Variants in EIF3H observed in about 807,000 individuals in gnomAD.
The protein encoded by EIF3H is eukaryotic translation initiation factor 3 subunit H, also known as eIF-3-gamma.
A neutral mutation model predicts 44.2 loss-of-function variants in EIF3H; 26 were observed. The observed-to-expected ratio is 0.59, with a 90% CI of 0.43 to 0.82. The LOEUF (loss-of-function observed/expected upper bound fraction) is 0.82, where lower values mean the gene tolerates loss of function less well. Ranked by LOEUF, EIF3H falls within the 40% of genes least tolerant of loss-of-function variation. The probability of loss-of-function intolerance (pLI) is 0.00; values close to 1 mark genes in which losing one functional copy is unlikely to be tolerated. For synonymous variants in EIF3H, 166 were observed against 151.9 expected (o/e 1.09, Z -0.68); for missense variants, 359 against 432.8 (o/e 0.83, Z 1.51).
chr8:116,750,440 C>T (rs946099685), intron 1 of EIF3H, among the ~76,000 whole-genome samples: 4 of 144,718 alleles, frequency 2.8e-5, no homozygotes, highest in African/African-American at 5.1e-5. Context: ...GACGGAGTCT[C>T]GCTCTGTCGC....
chr8:116,746,316 C>T (rs1037211022), intron 1 of EIF3H, among the ~76,000 whole-genome samples: 1 of 152,190 alleles, frequency 6.6e-6, no homozygotes, highest in Non-Finnish European at 1.5e-5. Flanking sequence ...CTTCTATTTC[C>T]TCCATCTGTA....
chr8:116,705,536 C>T (rs1814455849), intron 2 of EIF3H, among the ~76,000 whole-genome samples: 1 of 144,558 alleles, frequency 6.9e-6, no homozygotes, highest in Non-Finnish European at 1.5e-5. Context: ...ATGACAGGGG[C>T]ACTTCAACAC....
chr8:116,749,401 G>C (rs186026140), intron 1 of EIF3H, among the ~76,000 whole-genome samples: 1 of 151,846 alleles, frequency 6.6e-6, no homozygotes, highest in Non-Finnish European at 1.5e-5. Flanking sequence ...CTGAGATTCT[G>C]TGATACGTAT....
intron 1 of EIF3H, among the ~76,000 whole-genome samples, chr8:116,761,810 T>C (rs1404690044): frequency 6.6e-6 from 1 of 152,240 alleles, no homozygotes; most frequent in Non-Finnish European, 1.5e-5. Flanking sequence ...AAGAGCTCAC[T>C]GATACTGGCA....
Position 116,752,074 on chromosome 8 carries a change from C to G in EIF3H, c.132+3592G>C, listed in dbSNP as rs567357913. Among the ~76,000 whole-genome samples, 3 of 152,208 alleles carry G rather than the reference C, an allele frequency of 2.0e-5. No homozygotes were observed. In the South Asian group the frequency reaches 6.2e-4, roughly 32 times the overall value. On this transcript the variant is annotated intron_variant, in intron 1 of 7. Transcript: ENST00000521861. ...AACATAAAAGGAAAGGAGTAAGTGG[C>G]CTAAAAGGAAGGATAGTGATTGACT...
At chr8:116,758,175 T>C (rs1174276909), upstream of EIF3H, among the ~76,000 whole-genome samples, 1 of 152,136 alleles carries the variant, frequency 6.6e-6, no homozygotes, top group Non-Finnish European at 1.5e-5. Context: ...GAAAAATATA[T>C]CATGTAACCA....
At chr8:116,720,701 T>C (rs1431339421) in intron 2 of EIF3H, among the ~76,000 whole-genome samples, 13 of 152,144 alleles carry the variant, frequency 8.5e-5, no homozygotes, top group East Asian at 1.9e-4. Flanking sequence ...TTGACCAAAA[T>C]GCATAACGAA....
At chr8:116,756,117 AT>A, upstream of EIF3H, 1 of 1,035,236 alleles carries the variant, frequency 9.7e-7, no homozygotes, top group Non-Finnish European at 1.4e-6. Flanking sequence ...AGTGTCTCTT[AT>A]GTAAAAATGC....
intron 1 of EIF3H, among the ~76,000 whole-genome samples, chr8:116,728,430 C>T (rs1245308191): frequency 1.3e-5 from 2 of 151,920 alleles, no homozygotes; most frequent in Non-Finnish European, 2.9e-5. Context: ...GTTTTTAAAC[C>T]TAGTTTTTAA....
At chr8:116,712,496 C>T (rs1436951299) in intron 2 of EIF3H, among the ~76,000 whole-genome samples, 1 of 152,146 alleles carries the variant, frequency 6.6e-6, no homozygotes, top group Non-Finnish European at 1.5e-5. Context: ...TACATTATTA[C>T]TTAAAGTCAA....
intron 2 of EIF3H, chr8:116,689,066 T>TA (rs763268874): frequency 2.3e-6 from 1 of 442,000 alleles, no homozygotes; most frequent in Non-Finnish European, 4.5e-6. Flanking sequence ...ACGTATTACT[T>TA]ACATACATTT....
intron 1 of EIF3H, among the ~76,000 whole-genome samples, chr8:116,751,895 C>A (rs1273607537): frequency 2.0e-5 from 3 of 152,152 alleles, no homozygotes; most frequent in Non-Finnish European, 1.5e-5. Flanking sequence ...CAATGTCATG[C>A]AGCAAATTTC....
chr8:116,665,413 A>C (rs955351083), intron 2 of EIF3H, among the ~76,000 whole-genome samples: 1 of 152,208 alleles, frequency 6.6e-6, no homozygotes, highest in Admixed American at 6.5e-5. Context: ...TTGTAACTAA[A>C]TACTGGCTTA....
chr8:116,679,188 C>T (rs865795948), intron 2 of EIF3H, among the ~76,000 whole-genome samples: 58 of 71,952 alleles, frequency 8.1e-4, no homozygotes, highest in East Asian at 1.4e-3. Context: ...GCCCCCCGCC[C>T]GGCCAGCCGC....
intron 2 of EIF3H, chr8:116,697,312 G>A (rs534753300): frequency 3.9e-5 from 16 of 405,194 alleles, no homozygotes; most frequent in Admixed American, 3.2e-4. Flanking sequence ...GAAAAAAATT[G>A]CATGCCTGCT....
intron 2 of EIF3H, among the ~76,000 whole-genome samples, chr8:116,668,403 A>G: frequency 6.6e-6 from 1 of 152,196 alleles, no homozygotes; most frequent in East Asian, 1.9e-4. Context: ...TATTCTTATC[A>G]TCATTTTCCC....
intron 2 of EIF3H, among the ~76,000 whole-genome samples, chr8:116,708,728 T>G (rs544647587): frequency 1.3e-5 from 2 of 152,230 alleles, no homozygotes; most frequent in African/African-American, 4.8e-5. Flanking sequence ...TCTTAAAACA[T>G]GAAATATATA....
intron 2 of EIF3H, among the ~76,000 whole-genome samples, chr8:116,688,272 G>A (rs1289027805): frequency 6.6e-6 from 1 of 152,116 alleles, no homozygotes; most frequent in Non-Finnish European, 1.5e-5. Flanking sequence ...GATAAGGGCT[G>A]TGAAATGGCT....
intron 5 of EIF3H, among the ~76,000 whole-genome samples, chr8:116,649,447 A>G (rs1563631964): frequency 6.6e-6 from 1 of 152,162 alleles, no homozygotes; most frequent in Non-Finnish European, 1.5e-5. Context: ...TAGAATCTGT[A>G]GTACAGTCTT....
Sources: gnomAD v4.1 joint callset for allele counts (sites outside exome capture counted in the v4.1 genomes callset) on GRCh38, gnomAD v4.1.1 for gene constraint, MANE v1.5 for transcripts, NCBI Gene and HGNC (gene_info 2026-07-23, HGNC 2026-07-21) for gene names.